Variants in CUX2 observed in about 807,000 individuals in gnomAD.
The protein encoded by CUX2 is homeobox protein cut-like 2.
A neutral mutation model predicts 144.8 loss-of-function variants in CUX2; 40 were observed. The observed-to-expected ratio is 0.28, with a 90% CI of 0.21 to 0.36. CUX2 has a LOEUF of 0.36. CUX2 is among the 10% of genes least tolerant of loss of function. CUX2 has a pLI of 1.00. For synonymous variants in CUX2, 827 were observed against 875.6 expected (o/e 0.94, Z 0.98); for missense variants, 1,615 against 1,994.0 (o/e 0.81, Z 3.62).
intron 1 of CUX2, among the ~76,000 whole-genome samples, chr12:111,140,924 G>A (rs1468027889): frequency 1.3e-5 from 2 of 152,198 alleles, no homozygotes; most frequent in Non-Finnish European, 2.9e-5. Flanking sequence ...GGGAGCCTCA[G>A]GTGACGCCTG....
intron 16 of CUX2, among the ~76,000 whole-genome samples, chr12:111,319,395 G>C (rs949109974): frequency 6.6e-6 from 1 of 151,990 alleles, no homozygotes; most frequent in Non-Finnish European, 1.5e-5. Context: ...CTGTGCCTTC[G>C]TGTTTTCTTT....
intron 14 of CUX2, among the ~76,000 whole-genome samples, chr12:111,308,794 C>T (rs41455646): frequency 0.022 from 3,317 of 152,280 alleles, 43 homozygotes; most frequent in African/African-American, 0.033. Context: ...TGAGCTGCAG[C>T]GGCTTTCATG....
chr12:111,144,926 C>A (rs1876564764), intron 1 of CUX2, among the ~76,000 whole-genome samples: 1 of 152,074 alleles, frequency 6.6e-6, no homozygotes, highest in South Asian at 2.1e-4. Flanking sequence ...CTGGTCATAC[C>A]TTTTTCCTGT....
intron 1 of CUX2, among the ~76,000 whole-genome samples, chr12:111,205,402 A>C (rs1260556125): frequency 6.6e-6 from 1 of 152,172 alleles, no homozygotes; most frequent in Non-Finnish European, 1.5e-5. Context: ...ATTTGCTCCC[A>C]CAAAGTTGTC....
chr12:111,046,669 T>A (rs762905988), intron 1 of CUX2, among the ~76,000 whole-genome samples: 14 of 152,322 alleles, frequency 9.2e-5, no homozygotes, highest in East Asian at 3.9e-4. Flanking sequence ...TTATTTATTT[T>A]TTTTTGAGAC....
chr12:111,336,509 A>T (rs1888361313), intron 19 of CUX2, among the ~76,000 whole-genome samples: 2 of 151,216 alleles, frequency 1.3e-5, no homozygotes, highest in African/African-American at 4.9e-5. Flanking sequence ...GTGCAGTCGT[A>T]CGATCTCAGC....
At chr12:111,036,860 A>G (rs1296499954) in intron 1 of CUX2, among the ~76,000 whole-genome samples, 1 of 151,374 alleles carries the variant, frequency 6.6e-6, no homozygotes, top group Non-Finnish European at 1.5e-5. Context: ...CCAGCCTGAA[A>G]TCTTCAGCTG....
intron 1 of CUX2, among the ~76,000 whole-genome samples, chr12:111,194,988 G>A (rs951383419): frequency 6.6e-6 from 1 of 152,140 alleles, no homozygotes; most frequent in African/African-American, 2.4e-5. Context: ...CAACCCTACA[G>A]GAGATGTTCT....
intron 10 of CUX2, 140 bp from the exon 11 acceptor site, chr12:111,306,781 A>G: frequency 4.6e-6 from 3 of 657,246 alleles, no homozygotes; most frequent in Non-Finnish European, 7.9e-6. Context: ...AACACTTTGA[A>G]TTTTTCAACA....
chr12:111,057,018 T>G lies in CUX2; in HGVS notation c.63+22778T>G, dbSNP rs1592853687. Among the ~76,000 whole-genome samples the G allele has an allele frequency of 6.6e-6, 1 of 151,104 alleles. No homozygotes were observed. Among genetic ancestry groups the G allele is most frequent in the Middle Eastern group, 3.5e-3 (1 of 286 alleles). On this transcript the variant is annotated intron_variant, in intron 1 of 21. Coordinates refer to ENST00000261726, the MANE Select transcript of CUX2 (RefSeq NM_015267.4). The surrounding 1 kb of genome is among the most constrained non-coding windows in gnomAD (Gnocchi z 5.1). ...CAAGCGGTGGCCAAGCTGGAATGGT[T>G]GTGACAAGAGGTTGTGTGAGGGAAT...
chr12:111,222,156 C>A (rs1307818706), intron 3 of CUX2, among the ~76,000 whole-genome samples: 5 of 152,218 alleles, frequency 3.3e-5, no homozygotes, highest in Non-Finnish European at 7.3e-5. Context: ...AGTTACATAT[C>A]ATTAACCCTC....
chr12:111,245,986 G>A (rs145790085), intron 3 of CUX2, among the ~76,000 whole-genome samples: 1 of 152,294 alleles, frequency 6.6e-6, no homozygotes, highest in African/African-American at 2.4e-5. Flanking sequence ...GGAGTGGCCT[G>A]TACCCCGCTC....
chr12:111,282,498 C>T lies in CUX2; in HGVS notation c.302-8920C>T, dbSNP rs565937813. On this transcript the variant is annotated intron_variant, in intron 4 of 21. Transcript: ENST00000261726. ...AAAATTAGTCAGGTGTGGTGGCCTGCGCCTGTAGTCCCAGCTACTCAGGAG... is the reference window on the plus strand; with the variant it reads ...AAAATTAGTCAGGTGTGGTGGCCTGTGCCTGTAGTCCCAGCTACTCAGGAG... 7.0e-4 allele frequency among the ~76,000 whole-genome samples: 106 copies of T among 151,620 alleles called. 1 individual carries two copies. In the South Asian group the frequency reaches 0.02, roughly 28 times the overall value.
chr12:111,100,790 AGTAT>A (rs970932896), intron 1 of CUX2, among the ~76,000 whole-genome samples: 4 of 152,128 alleles, frequency 2.6e-5, no homozygotes, highest in Admixed American at 6.5e-5. Flanking sequence ...CACCTGTGTG[AGTAT>A]GTATGTGAGC....
intron 19 of CUX2, among the ~76,000 whole-genome samples, chr12:111,335,080 G>A (rs188843563): frequency 3.0e-3 from 455 of 152,176 alleles, no homozygotes; most frequent in Middle Eastern, 0.01. Context: ...GGGCAACAGA[G>A]CAAGACCTTG....
rs1182864325 is a variant in CUX2, at chr12:111,132,601, CTG to C, written c.64-81597_64-81596del. 1.3e-4 allele frequency among the ~76,000 whole-genome samples: 15 copies of C among 116,002 alleles called. 1 individual carries two copies. In the South Asian group the frequency reaches 4.6e-3, roughly 36 times the overall value. The allele number at this position is 116,002 out of a possible 152,430, so 76.1% of individuals were successfully genotyped here. A position where few individuals can be genotyped will look rare whatever the true frequency, so the allele number is the denominator to read the frequency against. On this transcript the variant is annotated intron_variant, in intron 1 of 21. Coordinates refer to ENST00000261726, the MANE Select transcript of CUX2 (RefSeq NM_015267.4). ...TTTTTTTTTGAGACAGAGTCTCACT[CTG>C]TCACCCAGGCTGGAGTGCAATGGCA...
chr12:111,253,262 A>G (rs532815450), intron 3 of CUX2, among the ~76,000 whole-genome samples: 3 of 151,968 alleles, frequency 2.0e-5, no homozygotes, highest in East Asian at 1.9e-4. Context: ...CCCCTTGGAG[A>G]AAAAGACTGG....
intron 1 of CUX2, among the ~76,000 whole-genome samples, chr12:111,135,330 C>T (rs890660181): frequency 6.6e-6 from 1 of 152,070 alleles, no homozygotes; most frequent in African/African-American, 2.4e-5. Context: ...AATAAGGCAG[C>T]CATGAGGATA....
intron 1 of CUX2, among the ~76,000 whole-genome samples, chr12:111,076,009 A>G (rs1401556323): frequency 6.6e-6 from 1 of 152,174 alleles, no homozygotes; most frequent in East Asian, 1.9e-4. Context: ...AGGTGAGAAA[A>G]CTAAGGTTCA....
Sources: gnomAD v4.1 joint callset for allele counts (sites outside exome capture counted in the v4.1 genomes callset) on GRCh38, gnomAD v4.1.1 for gene constraint, Gnocchi (gnomAD v3.1) non-coding constraint, MANE v1.5 for transcripts, NCBI Gene and HGNC (gene_info 2026-07-23, HGNC 2026-07-21) for gene names.